Variants in TET3 observed in about 807,000 individuals in gnomAD.
The protein encoded by TET3 is methylcytosine dioxygenase TET3.
TET3 carries 19 observed loss-of-function variants against 141.4 expected under a neutral mutation model. The ratio of observed to expected loss-of-function variants is 0.13; its 90% CI spans 0.09 to 0.20. TET3 has a LOEUF of 0.20. Ranked by LOEUF, TET3 falls within the 10% of genes least tolerant of loss-of-function variation. The pLI, the probability that TET3 is intolerant of heterozygous loss-of-function variation, is 1.00. For synonymous variants in TET3, 1,043 were observed against 980.9 expected (o/e 1.06, Z -1.18); for missense variants, 1,874 against 2,356.9 (o/e 0.80, Z 4.24).
In TET3 at chr2:74,101,497, C is replaced by T. The variant is rs1691213668; in HGVS notation, c.4709C>T (p.Ala1570Val). ...MKGEEGRIPA[A>V]GASQLDRAWQ... ...GGAGAGGAGGGCAGGATTCCAGCCG[C>T]AGGGGCCAGCCAGCTGGACAGGGCC... is the stretch of plus-strand genomic sequence containing the variant. The change falls in exon 12 of 12, where the codon GCA (alanine) becomes GTA (valine). Residue 1570 changes from alanine to valine, a missense_variant. Transcript: ENST00000409262. The surrounding 1 kb of genome is among the most constrained non-coding windows in gnomAD (Gnocchi z 8.5). 6.2e-7 allele frequency: 1 copy of T among 1,613,116 alleles called. No homozygotes were observed. The highest frequency in any genetic ancestry group is 8.5e-7 in the Non-Finnish European group (1 of 1,179,594).
At chr2:74,090,115 G>T (rs1690394401) in intron 8 of TET3, 68 bp downstream of exon 8, 1 of 1,590,516 alleles carries the variant, frequency 6.3e-7, no homozygotes, top group Admixed American at 1.7e-5. Context: ...TGGTCCAGCG[G>T]GAGGTAGTAC....
At position 74,105,880 on chromosome 2, in the gene TET3, T is replaced by A. The variant is rs1169283587; in HGVS notation, c.*3704T>A. ...AAGGCAAAGCTGGTGGAAAACTATA[T>A]GATATCCCTGACGTGCCTCAACCAG... On this transcript the variant is annotated 3_prime_UTR_variant, in exon 12 of 12. Transcript: ENST00000409262. The A allele has an allele frequency of 6.5e-6, 1 of 154,682 alleles. No homozygotes were observed. Among genetic ancestry groups the A allele is most frequent in the African/African-American group, 2.4e-5 (1 of 41,480 alleles). 9.6% of individuals were successfully genotyped at this position (154,682 alleles called of 1,614,324 possible).
intron 3 of TET3, among the ~76,000 whole-genome samples, chr2:74,022,076 T>G (rs1475964316): frequency 6.7e-6 from 1 of 149,218 alleles, no homozygotes; most frequent in African/African-American, 2.5e-5. Flanking sequence ...CTGTTACTAT[T>G]TCAGTCTTTC....
intron 2 of TET3, among the ~76,000 whole-genome samples, chr2:74,001,068 A>G (rs1323642372): frequency 6.6e-6 from 1 of 152,128 alleles, no homozygotes; most frequent in Non-Finnish European, 1.5e-5. Flanking sequence ...ACAGAAACCC[A>G]TTGTTCCACC....
chr2:73,990,763 T>C (rs1041927249), intron 2 of TET3, among the ~76,000 whole-genome samples: 9 of 152,330 alleles, frequency 5.9e-5, no homozygotes, highest in South Asian at 2.1e-4. Context: ...ATTGGGAATC[T>C]TTCAACAATA....
chr2:74,111,391 A>C (rs1357785661), downstream of TET3, among the ~76,000 whole-genome samples: 2 of 152,098 alleles, frequency 1.3e-5, no homozygotes, highest in African/African-American at 4.8e-5. Flanking sequence ...CTGACCTCTC[A>C]ACTCTCCACC....
intron 3 of TET3, among the ~76,000 whole-genome samples, chr2:74,017,273 C>A (rs551587919): frequency 2.6e-5 from 4 of 152,326 alleles, no homozygotes; most frequent in East Asian, 1.9e-4. Context: ...CACACACATA[C>A]AACCAAACAA....
intron 6 of TET3, among the ~76,000 whole-genome samples, chr2:74,083,180 C>G (rs1365640080): frequency 6.6e-6 from 1 of 152,218 alleles, no homozygotes; most frequent in Non-Finnish European, 1.5e-5. Flanking sequence ...GCCCTCTGAT[C>G]ATCTGTGATT....
chr2:74,056,175 C>G (rs1023733020), intron 4 of TET3, among the ~76,000 whole-genome samples: 1 of 152,178 alleles, frequency 6.6e-6, no homozygotes, highest in Non-Finnish European at 1.5e-5. Flanking sequence ...CAGCTGTGCT[C>G]CTGTGTACAT....
intron 3 of TET3, among the ~76,000 whole-genome samples, chr2:74,043,365 T>G (rs1190822085): frequency 6.6e-6 from 1 of 152,124 alleles, no homozygotes; most frequent in East Asian, 1.9e-4. Context: ...TTTGCCTGAG[T>G]GTTACTGCTC....
At chr2:73,996,760 C>A (rs534402845) in intron 2 of TET3, among the ~76,000 whole-genome samples, 1 of 152,282 alleles carries the variant, frequency 6.6e-6, no homozygotes, top group East Asian at 1.9e-4. Flanking sequence ...CTGCCTGCCT[C>A]GGCCTCCCAA....
chr2:73,989,312 C>A (rs900523847), intron 2 of TET3, among the ~76,000 whole-genome samples: 2 of 152,146 alleles, frequency 1.3e-5, no homozygotes, highest in African/African-American at 2.4e-5. Flanking sequence ...GACATCAGAC[C>A]ATTTACCTGC....
chr2:74,014,036 G>A (rs1194648597), intron 3 of TET3, among the ~76,000 whole-genome samples: 1 of 151,492 alleles, frequency 6.6e-6, no homozygotes, highest in East Asian at 1.9e-4. Flanking sequence ...TTCTAACATT[G>A]TATATTTTTT....
At chr2:74,001,645 C>T (rs1216759328) in intron 2 of TET3, among the ~76,000 whole-genome samples, 1 of 152,070 alleles carries the variant, frequency 6.6e-6, no homozygotes, top group Non-Finnish European at 1.5e-5. Context: ...GGGTAGGGAA[C>T]GATGTGCCCT....
At chr2:74,023,434 G>T (rs968699407) in intron 3 of TET3, among the ~76,000 whole-genome samples, 2 of 152,066 alleles carry the variant, frequency 1.3e-5, no homozygotes, top group Admixed American at 1.3e-4. Context: ...GTAATGATGG[G>T]GTCTCACTGT....
intron 10 of TET3, among the ~76,000 whole-genome samples, chr2:74,097,903 G>A (rs572658979): frequency 8.9e-4 from 136 of 152,138 alleles, no homozygotes; most frequent in African/African-American, 3.2e-3. Context: ...GCCCTGGGAG[G>A]GGCAGCCTCT....
chr2:74,106,813 C>G lies in TET3; in HGVS notation c.*4637C>G, dbSNP rs919700880. On this transcript the variant is annotated 3_prime_UTR_variant, in exon 12 of 12. Transcript: ENST00000409262. The stretch of plus-strand genomic sequence containing the variant: ...AAGTAGATTCCATGAGGGTCTGATA[C>G]CTGCAGGTTGTCCGTCTGATGACAT... 1 of 152,844 alleles carries G rather than the reference C, an allele frequency of 6.5e-6. No homozygotes were observed. The highest frequency in any genetic ancestry group is 2.4e-5 in the African/African-American group (1 of 41,432). 9.5% of individuals were successfully genotyped at this position (152,844 alleles called of 1,614,324 possible). A position where few individuals can be genotyped will look rare whatever the true frequency, so the allele number is the denominator to read the frequency against.
chr2:74,028,164 A>T (rs1686479939), intron 3 of TET3, among the ~76,000 whole-genome samples: 1 of 151,946 alleles, frequency 6.6e-6, no homozygotes, highest in African/African-American at 2.4e-5. Context: ...TTTTAAAAAA[A>T]AAATTATGTA....
intron 8 of TET3, among the ~76,000 whole-genome samples, chr2:74,090,325 T>C (rs1452708097): frequency 6.6e-6 from 1 of 152,198 alleles, no homozygotes; most frequent in African/African-American, 2.4e-5. Context: ...AAGATACATA[T>C]TCAAATCGCT....
Sources: allele counts gnomAD v4.1 joint callset (sites outside exome capture counted in the v4.1 genomes callset), GRCh38; gene constraint gnomAD v4.1.1; non-coding constraint Gnocchi (gnomAD v3.1); transcripts MANE v1.5; gene names NCBI Gene and HGNC (gene_info 2026-07-23, HGNC 2026-07-21).